SLC27A4: variants seen among roughly 807,000 people sequenced by gnomAD.
The protein encoded by SLC27A4 is long-chain fatty acid transport protein 4.
In SLC27A4, 33 loss-of-function variants were observed where a neutral mutation model predicts 64.4. The ratio of observed to expected loss-of-function variants is 0.51; its 90% CI spans 0.39 to 0.68. The LOEUF is 0.68. Ranked by LOEUF, SLC27A4 falls within the 30% of genes least tolerant of loss-of-function variation. The pLI, the probability that SLC27A4 is intolerant of heterozygous loss-of-function variation, is 0.00. For missense variants in SLC27A4, 824 were observed against 883.5 expected (o/e 0.93, Z 0.85); for synonymous variants, 377 against 370.0 (o/e 1.02, Z -0.22).
Position 128,343,363 on chromosome 9 carries a change from C to T in SLC27A4, c.161+70C>T, listed in dbSNP as rs1481957620. 3 of 1,566,694 alleles carry T rather than the reference C, an allele frequency of 1.9e-6. No homozygotes were observed. The East Asian group carries it at 6.7e-5, about 35-fold the overall frequency. ...TGAGCTTCTGGTCCCCCAAATCTCCCCAGGCCAGACCTCATGTTCTCTACC... is the reference window on the plus strand; with the variant it reads ...TGAGCTTCTGGTCCCCCAAATCTCCTCAGGCCAGACCTCATGTTCTCTACC... On this transcript the variant is annotated intron_variant, in intron 2 of 12. Transcript: ENST00000300456.
rs899024495 is a variant in SLC27A4, at chr9:128,355,660, C to T, written c.1638C>T (p.Gly546=). Residue 546 remains glycine (G), a synonymous_variant, in exon 12 of 13, where the codon GGC becomes GGT. Coordinates refer to ENST00000300456, the MANE Select transcript of SLC27A4 (RefSeq NM_005094.4). The part of the protein sequence containing the change: ...VYGVEVPGTE[G]RAGMAAVASP... The stretch of plus-strand genomic sequence containing the variant: ...CCCTGCCACCCCCAGGAACCGAGGG[C>T]CGGGCCGGAATGGCTGCTGTGGCCA... 4 of 1,610,984 alleles carry T rather than the reference C, an allele frequency of 2.5e-6. No homozygotes were observed. The African/African-American group carries it at 4.0e-5, about 16-fold the overall frequency.
Position 128,355,475 on chromosome 9 carries a change from G to A in SLC27A4, c.1540G>A (p.Glu514Lys). Reference sequence around the variant, plus strand: ...TGGGGACACGTTCCGCTGGAAAGGTGAGAACGTGTCCACCACCGAGGTGGA... The same window carrying A: ...TGGGGACACGTTCCGCTGGAAAGGTAAGAACGTGTCCACCACCGAGGTGGA... ...RTGDTFRWKG[E>K]NVSTTEVEGT... Residue 514 changes from glutamate to lysine, a missense_variant, in exon 11 of 13, where the codon GAG becomes AAG. By Grantham distance (56) the Glu-to-Lys change is moderately conservative. Transcript: ENST00000300456. The A allele has an allele frequency of 6.2e-7, 1 of 1,613,450 alleles. No individual in the cohort carries two copies. Among genetic ancestry groups the A allele is most frequent in the Non-Finnish European group, 8.5e-7 (1 of 1,179,948 alleles).
At chr9:128,355,604 C>T (rs1385652943) in intron 11 of SLC27A4, 42 bp downstream of exon 11, 5 of 1,607,244 alleles carry the variant, frequency 3.1e-6, no homozygotes, top group South Asian at 2.2e-5. Context: ...GGAGGCACCA[C>T]CCAGGGGCAC....
At position 128,355,807 on chromosome 9, in the gene SLC27A4, C is replaced by T. The variant is rs1224096762; in HGVS notation, c.1774+11C>T. 6.2e-7 allele frequency: 1 copy of T among 1,612,526 alleles called. No homozygotes were observed. The highest frequency in any genetic ancestry group is 8.5e-7 in the Non-Finnish European group (1 of 1,180,028). ...AGCTGCACAAAACAGGTGTGTCCCTCCCCTGCTCCAGCTCTCGGATCCCAG... is the reference window on the plus strand; with the variant it reads ...AGCTGCACAAAACAGGTGTGTCCCTTCCCTGCTCCAGCTCTCGGATCCCAG... On this transcript the variant is annotated intron_variant, in intron 12 of 12. Transcript: ENST00000300456.
chr9:128,352,364 G>GAATA (rs1832749384), intron 6 of SLC27A4, among the ~76,000 whole-genome samples: 1 of 152,188 alleles, frequency 6.6e-6, no homozygotes, highest in African/African-American at 2.4e-5. Flanking sequence ...AAGACAGCTT[G>GAATA]AATAAATATA....
In SLC27A4 at chr9:128,353,577, C is replaced by T. The variant is rs113332103; in HGVS notation, c.1324+36C>T. On this transcript the variant is annotated intron_variant, in intron 9 of 12. Transcript: ENST00000300456. The surrounding 1 kb of genome is among the most constrained non-coding windows in gnomAD (Gnocchi z 4.9). ...TCGGGGTCAGAGAGGGAGGGGTTGG[C>T]CTGGGAAGGAAGGAGGCCAGGCGCG... 6 of 1,609,286 alleles carry T rather than the reference C, an allele frequency of 3.7e-6. No homozygotes were observed.
rs376341257 is a variant in SLC27A4 at position 128,343,122 on chromosome 9, C to T, written c.-6-5C>T. On this transcript the variant is annotated splice_polypyrimidine_tract_variant and splice_region_variant and intron_variant, in intron 1 of 12. Transcript: ENST00000300456. ...TTGGGTCCACTAACTGCCCTGTGTC[C>T]GCAGGCCACAATGCTGCTTGGAGCC... 11 of 1,612,944 alleles carry T rather than the reference C, an allele frequency of 6.8e-6. No homozygotes were observed. The highest frequency in any genetic ancestry group is 4.5e-5 in the East Asian group (2 of 44,894).
At chr9:128,359,842 C>T (rs887241546) in intron 12 of SLC27A4, among the ~76,000 whole-genome samples, 1 of 152,004 alleles carries the variant, frequency 6.6e-6, no homozygotes, top group Non-Finnish European at 1.5e-5. Context: ...TTTTTATGTA[C>T]GAGTAAGAAA....
At chr9:128,357,970 G>A (rs1319272513) in intron 12 of SLC27A4, among the ~76,000 whole-genome samples, 1 of 152,160 alleles carries the variant, frequency 6.6e-6, no homozygotes, top group African/African-American at 2.4e-5. Flanking sequence ...ATGAGCTTCC[G>A]GAGGATTGAG....
chr9:128,350,456 C>T (rs745589934), intron 5 of SLC27A4, 28 bp from the exon 6 acceptor site: 1 of 1,612,502 alleles, frequency 6.2e-7, no homozygotes, highest in East Asian at 2.2e-5. Context: ...CTAGGGCCCG[C>T]TCAGCCCTTG....
chr9:128,352,712 C>A lies in SLC27A4; in HGVS notation c.952C>A (p.Arg318=), dbSNP rs374003386. ...VVIRKKFSAS[R]FWDDCIKYNC... is the part of the protein sequence containing the mutation. Reference sequence around the variant, plus strand: ...GATTCGGAAGAAGTTCTCAGCCTCCCGGTTCTGGGACGATTGTATCAAGTA... The same window carrying A: ...GATTCGGAAGAAGTTCTCAGCCTCCAGGTTCTGGGACGATTGTATCAAGTA... The change falls in exon 7 of 13, where the codon CGG becomes AGG. Residue 318 remains arginine, a synonymous_variant. Coordinates refer to ENST00000300456, the MANE Select transcript of SLC27A4 (RefSeq NM_005094.4). The A allele has an allele frequency of 1.4e-5, 22 of 1,613,918 alleles. No individual in the cohort carries two copies. The highest frequency in any genetic ancestry group is 1.8e-5 in the Non-Finnish European group (21 of 1,179,908).
rs1832775756 is a variant in SLC27A4 at position 128,353,774 on chromosome 9, C to T, written c.1324+233C>T. On this transcript the variant is annotated intron_variant, in intron 9 of 12. Coordinates refer to ENST00000300456, the MANE Select transcript of SLC27A4 (RefSeq NM_005094.4). This position sits in a 1 kb window ranked among gnomAD's most constrained non-coding sequence, Gnocchi z 4.9. ...TTTTTTTTTATTTGAGACGGAGTCT[C>T]GCTCTGTCGCCCAGGCTGGAGTGCA... Among the ~76,000 whole-genome samples, 1 of 149,576 alleles carries T rather than the reference C, an allele frequency of 6.7e-6. No homozygotes were observed. Among genetic ancestry groups the T allele is most frequent in the South Asian group, 2.1e-4 (1 of 4,752 alleles).
At chr9:128,351,776 A>G (rs1274615966) in intron 6 of SLC27A4, among the ~76,000 whole-genome samples, 1 of 152,118 alleles carries the variant, frequency 6.6e-6, no homozygotes, top group Non-Finnish European at 1.5e-5. Context: ...AGGATTAGCC[A>G]GGCGTGGTGC....
Position 128,360,421 on chromosome 9 carries a change from A to G in SLC27A4, c.1862A>G (p.Gln621Arg). The G allele has an allele frequency of 6.2e-7, 1 of 1,614,136 alleles. No individual in the cohort carries two copies. Among genetic ancestry groups the G allele is most frequent in the Non-Finnish European group, 8.5e-7 (1 of 1,180,012 alleles). The change falls in exon 13 of 13, where the codon CAG becomes CGG. Residue 621 changes from glutamine (Q) to arginine (R), a missense_variant. Transcript: ENST00000300456. ...GACCCGCTGTTCTATCTAGATGCCC[A>G]GAAGGGCCGCTACGTCCCGCTGGAC... Reference protein sequence around the residue: ...VKDPLFYLDAQKGRYVPLDQE... With the variant: ...VKDPLFYLDARKGRYVPLDQE...
rs1832887611 is a variant in SLC27A4, at chr9:128,360,560, C to T, written c.*69C>T. The T allele has an allele frequency of 1.9e-6, 3 of 1,570,278 alleles. No individual in the cohort carries two copies. The African/African-American group carries it at 4.1e-5, about 21-fold the overall frequency. ...CCCCAGGTTCCGCCCCAGAGCGGTC[C>T]TGGACAAGGCCAGACCAAAGCAAGC... On this transcript the variant is annotated 3_prime_UTR_variant, in exon 13 of 13. Coordinates refer to ENST00000300456, the MANE Select transcript of SLC27A4 (RefSeq NM_005094.4).
At chr9:128,346,138 C>G (rs1361673775) in intron 3 of SLC27A4, among the ~76,000 whole-genome samples, 2 of 152,122 alleles carry the variant, frequency 1.3e-5, no homozygotes, top group Non-Finnish European at 2.9e-5. Flanking sequence ...TGAGTTCAAG[C>G]GATCCACCTA....
chr9:128,355,753 G>A lies in SLC27A4; in HGVS notation c.1731G>A (p.Ala577=), dbSNP rs779823165. The stretch of plus-strand genomic sequence containing the variant: ...TGGAGAAGGAACTGCCCCTGTATGC[G>A]CGCCCCATCTTCCTGCGCCTCCTGC... ...QVLEKELPLY[A]RPIFLRLLPE... is the part of the protein sequence containing the mutation. Residue 577 remains alanine, a synonymous_variant, in exon 12 of 13, where the codon GCG becomes GCA. Transcript: ENST00000300456. 2.3e-5 allele frequency: 37 copies of A among 1,613,630 alleles called. No individual in the cohort carries two copies. The highest frequency in any genetic ancestry group is 9.3e-5 in the African/African-American group (7 of 74,912).
At chr9:128,341,423 A>G (rs573207704) in intron 1 of SLC27A4, among the ~76,000 whole-genome samples, 1 of 152,314 alleles carries the variant, frequency 6.6e-6, no homozygotes, top group South Asian at 2.1e-4. Context: ...CAGTCAAGTC[A>G]TTCGCCTTCC....
intron 1 of SLC27A4, chr9:128,342,517 A>C: frequency 1.0e-6 from 1 of 1,000,936 alleles, no homozygotes; most frequent in Non-Finnish European, 1.5e-6. Flanking sequence ...AACTACTGAC[A>C]ACGAAGGCTG....
Sources: allele counts gnomAD v4.1 joint callset (sites outside exome capture counted in the v4.1 genomes callset), GRCh38; gene constraint gnomAD v4.1.1; non-coding constraint Gnocchi (gnomAD v3.1); transcripts MANE v1.5; gene names NCBI Gene and HGNC (gene_info 2026-07-23, HGNC 2026-07-21).